SDK1: variants seen among roughly 807,000 people sequenced by gnomAD.
SDK1 encodes the protein protein sidekick-1.
SDK1 carries 157 observed loss-of-function variants against 245.5 expected under a neutral mutation model. That is an observed-to-expected ratio of 0.64 (90% CI 0.56 to 0.73). The LOEUF is 0.73. Ranked by LOEUF, SDK1 falls within the 30% of genes least tolerant of loss-of-function variation. The pLI is 0.00. For synonymous variants in SDK1, 1,647 were observed against 1,278.5 expected, an observed-to-expected ratio of 1.29 and a Z score of -6.15; for missense variants, 3,583 against 3,002.3, an observed-to-expected ratio of 1.19 and a Z score of -4.52.
chr7:4,033,455 A>G (rs1309970061), intron 17 of SDK1, among the ~76,000 whole-genome samples: 1 of 152,230 alleles, frequency 6.6e-6, no homozygotes, highest in Non-Finnish European at 1.5e-5. Context: ...GAAAAGATTG[A>G]TGAACTGACT....
chr7:4,166,363 A>G (rs1781499848), intron 32 of SDK1, among the ~76,000 whole-genome samples: 1 of 152,256 alleles, frequency 6.6e-6, no homozygotes, highest in African/African-American at 2.4e-5. Flanking sequence ...GCTTTCATTA[A>G]GCGCAGTGGG....
At chr7:4,159,675 G>A (rs778067395) in intron 31 of SDK1, among the ~76,000 whole-genome samples, 7 of 152,232 alleles carry the variant, frequency 4.6e-5, no homozygotes, top group African/African-American at 9.6e-5. Context: ...CTGAGGAGCC[G>A]GGCTGAGCCC....
At chr7:4,181,364 C>A (rs1782593461) in intron 35 of SDK1, among the ~76,000 whole-genome samples, 1 of 152,248 alleles carries the variant, frequency 6.6e-6, no homozygotes, top group African/African-American at 2.4e-5. Context: ...ACTCGGGGGC[C>A]TTCCCCCTTT....
chr7:3,462,759 C>G (rs1780873155), intron 1 of SDK1, among the ~76,000 whole-genome samples: 1 of 152,152 alleles, frequency 6.6e-6, no homozygotes, highest in Non-Finnish European at 1.5e-5. Flanking sequence ...TTGCCGCCAT[C>G]CTAATGCAAG....
chr7:3,971,758 T>A (rs1171249163), intron 12 of SDK1, among the ~76,000 whole-genome samples, 190 bp downstream of exon 12: 1 of 152,222 alleles, frequency 6.6e-6, no homozygotes, highest in Non-Finnish European at 1.5e-5. Flanking sequence ...GCCTTATGTG[T>A]TATTTACAGT....
intron 14 of SDK1, among the ~76,000 whole-genome samples, chr7:4,010,081 G>T (rs1332682512): frequency 6.6e-6 from 1 of 152,188 alleles, no homozygotes; most frequent in Non-Finnish European, 1.5e-5. Flanking sequence ...GCCACTTCAG[G>T]TCAGCGAGAC....
At chr7:3,812,090 A>G (rs1044285254) in intron 4 of SDK1, among the ~76,000 whole-genome samples, 1 of 152,208 alleles carries the variant, frequency 6.6e-6, no homozygotes, top group South Asian at 2.1e-4. Flanking sequence ...GTGTTCAACA[A>G]CCATATTTTC....
intron 4 of SDK1, among the ~76,000 whole-genome samples, chr7:3,812,864 C>G (rs1214763975): frequency 6.6e-6 from 1 of 152,226 alleles, no homozygotes; most frequent in East Asian, 1.9e-4. Flanking sequence ...GGGATTCATG[C>G]ATTCCATTAA....
chr7:3,564,956 G>A (rs1348690495), intron 1 of SDK1, among the ~76,000 whole-genome samples: 1 of 151,896 alleles, frequency 6.6e-6, no homozygotes, highest in Non-Finnish European at 1.5e-5. Context: ...AGACAAATCT[G>A]GATTTCCAAG....
intron 4 of SDK1, among the ~76,000 whole-genome samples, chr7:3,652,562 T>C (rs754297729): frequency 3.9e-5 from 6 of 152,140 alleles, no homozygotes; most frequent in Non-Finnish European, 8.8e-5. Context: ...ATTTTCTCTA[T>C]GAATATGGGG....
intron 1 of SDK1, among the ~76,000 whole-genome samples, chr7:3,598,155 A>G (rs1322618617): frequency 6.6e-6 from 1 of 152,170 alleles, no homozygotes; most frequent in Non-Finnish European, 1.5e-5. Flanking sequence ...AATGATGTTG[A>G]GCAGCTTCCC....
intron 5 of SDK1, among the ~76,000 whole-genome samples, chr7:3,854,206 A>C (rs2115106771): frequency 6.6e-6 from 1 of 152,014 alleles, no homozygotes; most frequent in Middle Eastern, 3.4e-3. Flanking sequence ...TGGTAGAGGA[A>C]CCATAGAGGT....
chr7:3,843,600 T>A (rs1405007523), intron 5 of SDK1, among the ~76,000 whole-genome samples: 1 of 152,364 alleles, frequency 6.6e-6, no homozygotes, highest in East Asian at 1.9e-4. Flanking sequence ...AATTAGTTTC[T>A]TTTAGATCTA....
chr7:3,676,879 G>A (rs532922373), intron 4 of SDK1, among the ~76,000 whole-genome samples: 2 of 152,208 alleles, frequency 1.3e-5, no homozygotes, highest in South Asian at 2.1e-4. Context: ...GTCTACTTTT[G>A]TATTCATACC....
chr7:4,221,508 G>C (rs1014199945), intron 40 of SDK1, 144 bp downstream of exon 40: 5 of 992,550 alleles, frequency 5.0e-6, no homozygotes, highest in Non-Finnish European at 7.3e-6. Flanking sequence ...GGTGAAAGAA[G>C]ACATCCATGG....
chr7:4,168,902 C>T (rs1366867932), intron 32 of SDK1, among the ~76,000 whole-genome samples: 1 of 152,190 alleles, frequency 6.6e-6, no homozygotes, highest in African/African-American at 2.4e-5. Flanking sequence ...GCCCAGACTC[C>T]AGCCACTCCC....
rs760246424 is a variant in SDK1, at chr7:4,078,326, G to T, written c.3202+1137G>T. Among the ~76,000 whole-genome samples the T allele has an allele frequency of 3.3e-5, 5 of 152,232 alleles. No homozygotes were observed. The South Asian group carries it at 1.0e-3, about 32-fold the overall frequency. ...CTGTTTACCGTGCTTGAAGTTTATC[G>T]CCATTAATGATTGAAGAACCATTTA... is the stretch of plus-strand genomic sequence containing the variant. On this transcript the variant is annotated intron_variant, in intron 21 of 44. Coordinates refer to ENST00000404826, the MANE Select transcript of SDK1 (RefSeq NM_152744.4).
At chr7:3,309,864 G>A (rs1234716248) in intron 1 of SDK1, among the ~76,000 whole-genome samples, 1 of 152,096 alleles carries the variant, frequency 6.6e-6, no homozygotes, top group South Asian at 2.1e-4. Flanking sequence ...CTTTTTCTAA[G>A]CGTGCTGTCT....
At chr7:3,425,254 A>G (rs1779643820) in intron 1 of SDK1, among the ~76,000 whole-genome samples, 1 of 152,068 alleles carries the variant, frequency 6.6e-6, no homozygotes, top group South Asian at 2.1e-4. Flanking sequence ...TTCCTATGGC[A>G]CTGATTTACA....
Sources: gnomAD v4.1 joint callset for allele counts (sites outside exome capture counted in the v4.1 genomes callset) on GRCh38, gnomAD v4.1.1 for gene constraint, MANE v1.5 for transcripts, NCBI Gene and HGNC (gene_info 2026-07-23, HGNC 2026-07-21) for gene names.